Variants in PARP8 observed in about 807,000 individuals in gnomAD.
PARP8 encodes poly(ADP-ribose) polymerase family member 8.
In PARP8, 51 loss-of-function variants were observed where a neutral mutation model predicts 124.1. The ratio of observed to expected loss-of-function variants is 0.41; its 90% confidence interval spans 0.33 to 0.52. The LOEUF (loss-of-function observed/expected upper bound fraction) is 0.52. PARP8 is among the 20% of genes least tolerant of loss of function. The pLI, the probability that PARP8 is intolerant of heterozygous loss-of-function variation, is 0.21. For missense variants in PARP8, 860 were observed against 1,018.9 expected, an observed-to-expected ratio of 0.84 and a Z score of 2.12; for synonymous variants, 391 against 361.5, an observed-to-expected ratio of 1.08 and a Z score of -0.93.
chr5:50,706,522 A>G (rs566717740), intron 2 of PARP8, among the ~76,000 whole-genome samples: 2 of 152,136 alleles, frequency 1.3e-5, no homozygotes. Flanking sequence ...AATTTTAGTG[A>G]TTAAGATTTT....
rs1401998927 is a variant in PARP8 at position 50,833,355 on chromosome 5, T to C, written c.2307+501T>C. 8 of 438,494 alleles carry C rather than the reference T, an allele frequency of 1.8e-5. No individual in the cohort carries two copies. In the Admixed American group the frequency reaches 2.1e-4, roughly 12 times the overall value. 27.2% of individuals were successfully genotyped at this position (438,494 alleles called of 1,614,324 possible). On this transcript the variant is annotated intron_variant, in intron 23 of 25. Transcript: ENST00000281631. ...ATGATGAGTGCGTGAGCCATGTGAC[T>C]CTCTAGGAGAAAGAACATTCTGGGC...
intron 2 of PARP8, among the ~76,000 whole-genome samples, chr5:50,747,648 T>A (rs545971908): frequency 6.6e-6 from 1 of 152,010 alleles, no homozygotes; most frequent in African/African-American, 2.4e-5. Flanking sequence ...ATATCTTTAG[T>A]CCTCAGTCTT....
At chr5:50,814,879 G>A (rs1660708201) in intron 14 of PARP8, among the ~76,000 whole-genome samples, 1 of 152,138 alleles carries the variant, frequency 6.6e-6, no homozygotes, top group Non-Finnish European at 1.5e-5. Context: ...TTTCAGTGCT[G>A]TTGACTTCAT....
At chr5:50,766,751 G>A (rs1429769052) in intron 7 of PARP8, among the ~76,000 whole-genome samples, 1 of 152,086 alleles carries the variant, frequency 6.6e-6, no homozygotes, top group Non-Finnish European at 1.5e-5. Context: ...TTGTAATTGG[G>A]CCTTTTGAGG....
In PARP8 at chr5:50,830,063, T is replaced by A. The variant is rs1051868317; in HGVS notation, c.2233+102T>A. 1.6e-5 allele frequency: 20 copies of A among 1,259,558 alleles called. 2 individuals are homozygous for A. In the South Asian group the frequency reaches 4.7e-4, roughly 30 times the overall value. 78.0% of individuals were successfully genotyped at this position (1,259,558 alleles called of 1,614,324 possible). On this transcript the variant is annotated intron_variant, in intron 22 of 25. Transcript: ENST00000281631. ...TTTCTATTGTGCCTTATTAGATATA[T>A]TTTTATTAAATTTGTTTGCTAAATG...
Position 50,724,697 on chromosome 5 carries a change from T to C in PARP8, c.147-25454T>C, listed in dbSNP as rs150780033. Among the ~76,000 whole-genome samples the C allele has an allele frequency of 2.7e-4, 41 of 152,238 alleles. No homozygotes were observed. In the East Asian group the frequency reaches 7.2e-3, roughly 27 times the overall value. ...ATTTTGACTATATTATGATGCTCTC[T>C]TTTTATTGGTTTTTGTTTCAGTAGC... is the stretch of plus-strand genomic sequence containing the variant. On this transcript the variant is annotated intron_variant, in intron 2 of 25. Coordinates refer to ENST00000281631, the MANE Select transcript of PARP8 (RefSeq NM_024615.4).
At chr5:50,840,565 T>G (rs1309089442) in intron 25 of PARP8, among the ~76,000 whole-genome samples, 1 of 151,812 alleles carries the variant, frequency 6.6e-6, no homozygotes, top group Non-Finnish European at 1.5e-5. Context: ...CAAAGTTATA[T>G]AGAGAGAAAA....
chr5:50,794,822 G>T (rs1241182925), intron 11 of PARP8, 31 bp from the exon 12 acceptor site: 3 of 1,569,004 alleles, frequency 1.9e-6, no homozygotes, highest in Non-Finnish European at 2.6e-6. Context: ...CCTGTGATTT[G>T]CCCTGTAGTA....
At chr5:50,667,941 C>T (rs2112182511) in intron 1 of PARP8, 130 bp from the exon 2 acceptor site, 2 of 1,562,676 alleles carry the variant, frequency 1.3e-6, no homozygotes, top group Non-Finnish European at 1.7e-6. Flanking sequence ...AGGGACCTCG[C>T]CGCCCTCTAG....
chr5:50,732,726 C>T (rs1313711061), intron 2 of PARP8, among the ~76,000 whole-genome samples: 1 of 151,810 alleles, frequency 6.6e-6, no homozygotes, highest in Non-Finnish European at 1.5e-5. Context: ...TCATGCCATT[C>T]TCCTGCCTCA....
intron 21 of PARP8, 51 bp from the exon 22 acceptor site, chr5:50,829,841 C>G (rs777364834): frequency 6.6e-7 from 1 of 1,504,014 alleles, no homozygotes; most frequent in South Asian, 1.4e-5. Flanking sequence ...CAAATATTAT[C>G]ATTTAAACCA....
intron 2 of PARP8, among the ~76,000 whole-genome samples, chr5:50,699,233 G>A (rs1373632062): frequency 6.6e-6 from 1 of 152,156 alleles, no homozygotes; most frequent in African/African-American, 2.4e-5. Context: ...GACTGCCCAA[G>A]TGAATGGAAA....
At chr5:50,753,960 A>G (rs1460441746) in intron 3 of PARP8, among the ~76,000 whole-genome samples, 2 of 150,784 alleles carry the variant, frequency 1.3e-5, no homozygotes, top group Non-Finnish European at 3.0e-5. Context: ...AAGAGAAAAT[A>G]TCTTGCTGTT....
chr5:50,672,597 A>G (rs1482586159), intron 2 of PARP8, among the ~76,000 whole-genome samples: 1 of 152,172 alleles, frequency 6.6e-6, no homozygotes, highest in African/African-American at 2.4e-5. Flanking sequence ...AGATAATGCA[A>G]TATTTAAGAT....
intron 3 of PARP8, among the ~76,000 whole-genome samples, chr5:50,754,070 G>GCTCATCTCCAT (rs1166084217): frequency 3.0e-5 from 4 of 134,336 alleles, no homozygotes; most frequent in Admixed American, 1.5e-4. Flanking sequence ...GAGCTTAGAA[G>GCTCATCTCCAT]TCAAGATGGA....
intron 7 of PARP8, among the ~76,000 whole-genome samples, chr5:50,769,018 T>C (rs1761329020): frequency 6.6e-6 from 1 of 152,214 alleles, no homozygotes; most frequent in Admixed American, 6.5e-5. Flanking sequence ...TCCTTAAAAT[T>C]CTTTATTCAT....
At chr5:50,788,639 T>C in intron 10 of PARP8, 50 bp downstream of exon 10, 1 of 1,469,792 alleles carries the variant, frequency 6.8e-7, no homozygotes, top group Non-Finnish European at 9.4e-7. Context: ...GAGAACTGAG[T>C]TCTCATTTTG....
At chr5:50,681,619 C>T (rs763937644) in intron 2 of PARP8, among the ~76,000 whole-genome samples, 8 of 150,902 alleles carry the variant, frequency 5.3e-5, no homozygotes, top group Non-Finnish European at 1.0e-4. Flanking sequence ...AGCATTTGCT[C>T]CAAAATAAAA....
At chr5:50,754,146 T>TATATATATATATATATATATACATATAC (rs1561331500) in intron 3 of PARP8, among the ~76,000 whole-genome samples, 22 of 21,400 alleles carry the variant, frequency 1.0e-3, no homozygotes, top group African/African-American at 2.7e-3. Flanking sequence ...TATATATATA[T>TATATATATATATATATATATACATATAC]ATATACACAC....
Sources: gnomAD v4.1 joint callset for allele counts (sites outside exome capture counted in the v4.1 genomes callset) on GRCh38, gnomAD v4.1.1 for gene constraint, MANE v1.5 for transcripts, NCBI Gene and HGNC (gene_info 2026-07-23, HGNC 2026-07-21) for gene names.